Variants in DNAI1 observed in about 807,000 individuals in gnomAD.
The protein encoded by DNAI1 is dynein, axonemal, intermediate polypeptide 1.
Under a neutral mutation model 92.0 loss-of-function variants are expected in DNAI1, and 67 were observed. That is an observed-to-expected ratio of 0.73 (90% CI 0.60 to 0.89). The LOEUF is 0.89. DNAI1 is among the 40% of genes least tolerant of loss of function. The probability of loss-of-function intolerance (pLI) is 0.00; values close to 1 mark genes in which losing one functional copy is unlikely to be tolerated. For synonymous variants in DNAI1, 323 were observed against 319.6 expected (o/e 1.01, Z -0.11); for missense variants, 839 against 866.6 (o/e 0.97, Z 0.40).
At chr9:34,482,561 C>A (rs1421658254) in intron 1 of DNAI1, among the ~76,000 whole-genome samples, 1 of 151,746 alleles carries the variant, frequency 6.6e-6, no homozygotes, top group Non-Finnish European at 1.5e-5. Context: ...CTCACCAGAG[C>A]AGCTAGATAC....
At position 34,520,697 on chromosome 9, in the gene DNAI1, G is replaced by A. The variant is rs758956642; in HGVS notation, c.2041G>A (p.Glu681Lys). Reference sequence around the variant, plus strand: ...GGAGGTGCAGAAGGGTCCAGCTGTGGAGATTGCGAAACTGGACAAACTGCT... The same window carrying A: ...GGAGGTGCAGAAGGGTCCAGCTGTGAAGATTGCGAAACTGGACAAACTGCT... ...GQEVQKGPAV[E>K]IAKLDKLLNL... is the part of the protein sequence containing the mutation. Residue 681 changes from glutamate to lysine, a missense_variant, in exon 20 of 20, where the codon GAG (glutamate) becomes AAG (lysine). Coordinates refer to ENST00000242317, the MANE Select transcript of DNAI1 (RefSeq NM_012144.4). 1.9e-5 allele frequency: 30 copies of A among 1,551,524 alleles called. No homozygotes were observed. Among genetic ancestry groups the A allele is most frequent in the Non-Finnish European group, 2.4e-5 (27 of 1,146,996 alleles).
chr9:34,498,751 G>A (rs1824772239), intron 10 of DNAI1, among the ~76,000 whole-genome samples: 1 of 152,156 alleles, frequency 6.6e-6, no homozygotes, highest in Non-Finnish European at 1.5e-5. Context: ...ACAGCCTAGG[G>A]CTCTTCTTGG....
intron 12 of DNAI1, 37 bp downstream of exon 12, chr9:34,501,218 A>G: frequency 6.6e-7 from 1 of 1,518,754 alleles, no homozygotes; most frequent in Non-Finnish European, 9.1e-7. Context: ...TGCTCATGTA[A>G]ACAGCAAACA....
intron 12 of DNAI1, among the ~76,000 whole-genome samples, chr9:34,501,735 C>A (rs1190751001): frequency 1.3e-5 from 2 of 152,036 alleles, no homozygotes; most frequent in East Asian, 3.9e-4. Context: ...GAGACCCCCC[C>A]TTCCTGCCTC....
intron 1 of DNAI1, among the ~76,000 whole-genome samples, chr9:34,482,334 A>C (rs1824375926): frequency 6.6e-6 from 1 of 150,748 alleles, no homozygotes; most frequent in Non-Finnish European, 1.5e-5. Flanking sequence ...AGCTAAACAC[A>C]GGGTGCTGAT....
intron 12 of DNAI1, among the ~76,000 whole-genome samples, 199 bp from the exon 13 acceptor site, chr9:34,506,428 A>G (rs1824931348): frequency 6.6e-6 from 1 of 152,192 alleles, no homozygotes; most frequent in Non-Finnish European, 1.5e-5. Context: ...GGATCTTTCC[A>G]TGATCTCTGA....
chr9:34,464,971 A>G (rs1824010606), intron 1 of DNAI1, among the ~76,000 whole-genome samples: 1 of 152,252 alleles, frequency 6.6e-6, no homozygotes, highest in Admixed American at 6.5e-5. Context: ...TAAGAAGACA[A>G]CAAGGAAAAA....
chr9:34,512,280 C>T, intron 14 of DNAI1, 57 bp from the exon 15 acceptor site: 2 of 1,610,204 alleles, frequency 1.2e-6, no homozygotes, highest in South Asian at 1.1e-5. Context: ...CCCAGCCTTG[C>T]TCATCTAGCC....
intron 1 of DNAI1, among the ~76,000 whole-genome samples, chr9:34,463,487 G>C (rs1244511861): frequency 1.3e-5 from 2 of 152,200 alleles, no homozygotes; most frequent in African/African-American, 4.8e-5. Flanking sequence ...TGAAAATTGT[G>C]AGAGTGCCAA....
chr9:34,481,933 C>T (rs567953339), intron 1 of DNAI1, among the ~76,000 whole-genome samples: 1 of 152,320 alleles, frequency 6.6e-6, no homozygotes, highest in East Asian at 1.9e-4. Flanking sequence ...CTGGCTCGGG[C>T]AGCCTGCTTT....
intron 18 of DNAI1, among the ~76,000 whole-genome samples, chr9:34,515,528 T>C (rs553514157): frequency 6.6e-6 from 1 of 152,216 alleles, no homozygotes; most frequent in Non-Finnish European, 1.5e-5. Flanking sequence ...GACTGTGATA[T>C]GTAAACATAA....
intron 9 of DNAI1, among the ~76,000 whole-genome samples, chr9:34,494,004 C>T (rs1033525127): frequency 1.4e-4 from 21 of 152,112 alleles, no homozygotes; most frequent in Admixed American, 1.3e-4. Flanking sequence ...CACAGGGAGA[C>T]GCTGAAGGGC....
At chr9:34,471,280 C>A (rs931636471) in intron 1 of DNAI1, among the ~76,000 whole-genome samples, 1 of 150,994 alleles carries the variant, frequency 6.6e-6, no homozygotes, top group Non-Finnish European at 1.5e-5. Flanking sequence ...AAAAAATTAG[C>A]TGGGTGTGGT....
At chr9:34,504,822 T>C (rs745360826) in intron 12 of DNAI1, among the ~76,000 whole-genome samples, 1 of 152,192 alleles carries the variant, frequency 6.6e-6, no homozygotes, top group Non-Finnish European at 1.5e-5. Context: ...TCCCCTGCCT[T>C]TGGAAACTGT....
At position 34,506,555 on chromosome 9, in the gene DNAI1, T is replaced by C; in HGVS notation, c.1064-72T>C. On this transcript the variant is annotated intron_variant, in intron 12 of 19. Transcript: ENST00000242317. ...GGCAGGGCTTGCCCACCTAGTGGGG[T>C]AGGGGTGAGGGGGCTTCTCCAGGCA... The C allele has an allele frequency of 3.7e-6, 6 of 1,606,606 alleles. No individual in the cohort carries two copies. In the South Asian group the frequency reaches 6.7e-5, roughly 18 times the overall value.
At chr9:34,492,039 C>T (rs970681864) in intron 8 of DNAI1, among the ~76,000 whole-genome samples, 2 of 152,108 alleles carry the variant, frequency 1.3e-5, no homozygotes, top group Admixed American at 6.5e-5. Flanking sequence ...TGATCTCAGA[C>T]CTCACATTTT....
intron 12 of DNAI1, among the ~76,000 whole-genome samples, 163 bp downstream of exon 12, chr9:34,501,344 C>T (rs1258701582): frequency 2.0e-5 from 3 of 152,234 alleles, no homozygotes; most frequent in African/African-American, 7.2e-5. Flanking sequence ...GCAATTAGTG[C>T]TGGGTGAAGG....
intron 1 of DNAI1, among the ~76,000 whole-genome samples, chr9:34,472,512 G>A (rs1824157651): frequency 6.6e-6 from 1 of 152,188 alleles, no homozygotes; most frequent in Non-Finnish European, 1.5e-5. Context: ...TCTGAGCACT[G>A]TGCTAACACT....
chr9:34,489,537 C>A, intron 5 of DNAI1, 88 bp downstream of exon 5: 1 of 1,477,314 alleles, frequency 6.8e-7, no homozygotes, highest in Non-Finnish European at 9.4e-7. Context: ...TAAGCCAGAA[C>A]TTTTCAGAGC....
Sources: gnomAD v4.1 joint callset for allele counts (sites outside exome capture counted in the v4.1 genomes callset) on GRCh38, gnomAD v4.1.1 for gene constraint, MANE v1.5 for transcripts, NCBI Gene and HGNC (gene_info 2026-07-23, HGNC 2026-07-21) for gene names.